The following PIEZO2 variants were observed in gnomAD, a reference collection of about 807,000 sequenced individuals.
PIEZO2 encodes piezo type mechanosensitive ion channel component 2.
In PIEZO2, 172 loss-of-function variants were observed where a neutral mutation model predicts 337.3. The ratio of observed to expected loss-of-function variants is 0.51; its 90% CI spans 0.45 to 0.58. The LOEUF (loss-of-function observed/expected upper bound fraction) is 0.58. Among genes scored for constraint, PIEZO2 ranks in the 20% least tolerant of loss-of-function variants. The pLI is 0.00. For missense variants in PIEZO2, 3,028 were observed against 3,391.3 expected (o/e 0.89, Z 2.66); for synonymous variants, 1,251 against 1,228.5 (o/e 1.02, Z -0.38).
At chr18:10,822,170 C>T (rs2040539362) in intron 7 of PIEZO2, among the ~76,000 whole-genome samples, 1 of 152,204 alleles carries the variant, frequency 6.6e-6, no homozygotes, top group East Asian at 1.9e-4. Flanking sequence ...TCAACGTCTG[C>T]ATTTAACTTG....
rs2035821624 is a variant in PIEZO2 at position 11,009,441 on chromosome 18, T to C, written c.161-29781A>G. Among the ~76,000 whole-genome samples, 1 of 152,190 alleles carries C rather than the reference T, an allele frequency of 6.6e-6. No homozygotes were observed. The highest frequency in any genetic ancestry group is 6.5e-5 in the Admixed American group (1 of 15,280). ...AGTGAGCCAGGGCTGAGAACCACTG[T>C]GCTGGAGATTCAGCTGAAGGGAGGT... On this transcript the variant is annotated intron_variant, in intron 2 of 55. Coordinates refer to ENST00000674853, the MANE Select transcript of PIEZO2 (RefSeq NM_001378183.1). This position sits in a 1 kb window ranked among gnomAD's most constrained non-coding sequence, Gnocchi z 4.6.
At chr18:10,935,954 G>A (rs1043310694) in intron 3 of PIEZO2, among the ~76,000 whole-genome samples, 2 of 152,220 alleles carry the variant, frequency 1.3e-5, no homozygotes, top group African/African-American at 4.8e-5. Context: ...AGATGTGATA[G>A]TGGGCCATAA....
chr18:10,979,493 G>T lies in PIEZO2; in HGVS notation c.286+42C>A. On this transcript the variant is annotated intron_variant, in intron 3 of 55. Coordinates refer to ENST00000674853, the MANE Select transcript of PIEZO2 (RefSeq NM_001378183.1). The surrounding 1 kb of genome is among the most constrained non-coding windows in gnomAD (Gnocchi z 4.0). The stretch of plus-strand genomic sequence containing the variant: ...AGCTTTATTATGCACGTATATAAAA[G>T]AAATAAAAGAAAACAATAAAAGAAA... 7.0e-7 allele frequency: 1 copy of T among 1,423,774 alleles called. No homozygotes were observed. Among genetic ancestry groups the T allele is most frequent in the Non-Finnish European group, 9.3e-7 (1 of 1,080,228 alleles). The allele number at this position is 1,423,774 out of a possible 1,614,324, so 88.2% of individuals were successfully genotyped here.
intron 18 of PIEZO2, among the ~76,000 whole-genome samples, chr18:10,778,435 C>T: frequency 6.6e-6 from 1 of 151,744 alleles, no homozygotes; most frequent in Non-Finnish European, 1.5e-5. Flanking sequence ...CAGGTTCACG[C>T]CATTCTCCTC....
At chr18:10,683,934 C>A (rs928925908) in intron 49 of PIEZO2, among the ~76,000 whole-genome samples, 1 of 152,098 alleles carries the variant, frequency 6.6e-6, no homozygotes, top group Admixed American at 6.5e-5. Context: ...TTCTGCTCAG[C>A]CCTCACACTG....
chr18:10,704,983 G>A (rs888731959), intron 41 of PIEZO2, among the ~76,000 whole-genome samples: 5 of 152,288 alleles, frequency 3.3e-5, no homozygotes, highest in Admixed American at 6.5e-5. Context: ...GAGCCACTGC[G>A]CCCGGCCATG....
rs1278591086 is a variant in PIEZO2, at chr18:10,694,027, G to A, written c.7190+2047C>T. On this transcript the variant is annotated intron_variant, in intron 47 of 55. Coordinates refer to ENST00000674853, the MANE Select transcript of PIEZO2 (RefSeq NM_001378183.1). ...TATATTTAATCTCCCAATATATGGTGTGGAATGGAGAACTGGGTTATTGTG... is the reference window on the plus strand; with the variant it reads ...TATATTTAATCTCCCAATATATGGTATGGAATGGAGAACTGGGTTATTGTG... 3.9e-5 allele frequency among the ~76,000 whole-genome samples: 6 copies of A among 152,250 alleles called. No homozygotes were observed. The East Asian group carries it at 7.7e-4, about 20-fold the overall frequency.
In PIEZO2 at chr18:10,819,780, G is replaced by T. The variant is rs1002424780; in HGVS notation, c.918-12506C>A. ...ATCTCATTTCAAGAGCTTGTAATTT[G>T]TAGAGCTAAGCTTCTACCTGAAATC... On this transcript the variant is annotated intron_variant, in intron 7 of 55. Transcript: ENST00000674853. This position sits in a 1 kb window ranked among gnomAD's most constrained non-coding sequence, Gnocchi z 4.3. 2.6e-5 allele frequency among the ~76,000 whole-genome samples: 4 copies of T among 152,164 alleles called. No individual in the cohort carries two copies. Among genetic ancestry groups the T allele is most frequent in the African/African-American group, 9.7e-5 (4 of 41,446 alleles).
rs1025310776 is a variant in PIEZO2 at position 10,871,275 on chromosome 18, G to A, written c.470C>T (p.Pro157Leu). The A allele has an allele frequency of 2.2e-5, 34 of 1,536,688 alleles. No homozygotes were observed. The highest frequency in any genetic ancestry group is 7.9e-5 in the Admixed American group (4 of 50,898). ...TACCAATTCTTCATTTTCAAACTCC[G>A]GGTTACTCTGTGCTGCTTCGTCTGT... ...PVTDEAAQSN[P>L]EFENEELAEG... Residue 157 changes from proline (P) to leucine (L), a missense_variant, in exon 5 of 56, where the codon CCG (proline) becomes CTG (leucine). By Grantham distance (98) the Pro-to-Leu change is moderately conservative. This residue lies in a region of PIEZO2 where 542 missense variants were observed against 605.6 expected (regional missense o/e 0.89). Coordinates refer to ENST00000674853, the MANE Select transcript of PIEZO2 (RefSeq NM_001378183.1).
In PIEZO2 at chr18:11,096,166, C is replaced by T. The variant is rs955808128; in HGVS notation, c.65-29944G>A. On this transcript the variant is annotated intron_variant, in intron 1 of 55. Coordinates refer to ENST00000674853, the MANE Select transcript of PIEZO2 (RefSeq NM_001378183.1). This position sits in a 1 kb window ranked among gnomAD's most constrained non-coding sequence, Gnocchi z 4.6. ...CTGTTGCCCAAGGTGGCTGAGACAC[C>T]GCCAGCCTGGCTGTGGGGTGTGGCC... 3.3e-5 allele frequency among the ~76,000 whole-genome samples: 5 copies of T among 152,182 alleles called. No homozygotes were observed. The highest frequency in any genetic ancestry group is 9.7e-5 in the African/African-American group (4 of 41,444).
chr18:10,882,490 T>C (rs1170253555), intron 4 of PIEZO2, among the ~76,000 whole-genome samples: 1 of 152,234 alleles, frequency 6.6e-6, no homozygotes, highest in Non-Finnish European at 1.5e-5. Flanking sequence ...AAATCTAATA[T>C]ATTAACTTCG....
intron 2 of PIEZO2, among the ~76,000 whole-genome samples, chr18:11,040,700 G>A (rs546008996): frequency 5.3e-5 from 8 of 152,078 alleles, no homozygotes; most frequent in Middle Eastern, 3.4e-3. Flanking sequence ...TTTGGTCCTC[G>A]TCCCCATAAT....
Position 10,888,942 on chromosome 18 carries a change from A to G in PIEZO2, c.330-17527T>C, listed in dbSNP as rs1038253141. ...TTTCAGAAACCTAGCATGCTGCTAC[A>G]GCCAACAGTTCAAGGGGTCATTTCA... On this transcript the variant is annotated intron_variant, in intron 4 of 55. Transcript: ENST00000674853. The surrounding 1 kb of genome is among the most constrained non-coding windows in gnomAD (Gnocchi z 4.1). 6.6e-6 allele frequency among the ~76,000 whole-genome samples: 1 copy of G among 152,110 alleles called. No homozygotes were observed. Among genetic ancestry groups the G allele is most frequent in the East Asian group, 1.9e-4 (1 of 5,180 alleles).
intron 49 of PIEZO2, among the ~76,000 whole-genome samples, chr18:10,684,877 T>G (rs1205582977): frequency 6.6e-6 from 1 of 152,074 alleles, no homozygotes; most frequent in Non-Finnish European, 1.5e-5. Flanking sequence ...TGTCTTGCTC[T>G]GCTGCCCTGA....
chr18:11,091,752 AT>A (rs2039099262), intron 1 of PIEZO2, among the ~76,000 whole-genome samples: 1 of 152,102 alleles, frequency 6.6e-6, no homozygotes, highest in African/African-American at 2.4e-5. Flanking sequence ...TGTTGTTTTT[AT>A]TGGAAATATG....
chr18:10,954,400 AT>A lies in PIEZO2; in HGVS notation c.286+25134del, dbSNP rs1406720689. On this transcript the variant is annotated intron_variant, in intron 3 of 55. Coordinates refer to ENST00000674853, the MANE Select transcript of PIEZO2 (RefSeq NM_001378183.1). This position sits in a 1 kb window ranked among gnomAD's most constrained non-coding sequence, Gnocchi z 4.2. ...ATTGTTTTTAGATTTATATCAAAGTATTTTTTGTATTATTGTACATAACATT... is the reference window on the plus strand; with the variant it reads ...ATTGTTTTTAGATTTATATCAAAGTATTTTTGTATTATTGTACATAACATT... Among the ~76,000 whole-genome samples the A allele has an allele frequency of 2.6e-5, 4 of 152,324 alleles. No individual in the cohort carries two copies. The East Asian group carries it at 7.7e-4, about 29-fold the overall frequency.
chr18:11,076,359 A>G (rs1452675711), intron 1 of PIEZO2, among the ~76,000 whole-genome samples: 2 of 152,212 alleles, frequency 1.3e-5, no homozygotes, highest in Non-Finnish European at 2.9e-5. Context: ...GATTATAAGG[A>G]CTTGTATTAG....
Position 10,850,462 on chromosome 18 carries a change from C to T in PIEZO2, c.917+4891G>A, listed in dbSNP as rs116236360. On this transcript the variant is annotated intron_variant, in intron 7 of 55. Transcript: ENST00000674853. The surrounding 1 kb of genome is among the most constrained non-coding windows in gnomAD (Gnocchi z 4.5). ...CCCTGCAAAGGCTCTTTCACAGCTGCGAGAATGTGGGGTTGCAACTTGCTC... is the reference window on the plus strand; with the variant it reads ...CCCTGCAAAGGCTCTTTCACAGCTGTGAGAATGTGGGGTTGCAACTTGCTC... 0.012 allele frequency among the ~76,000 whole-genome samples: 1,902 copies of T among 152,248 alleles called. 37 individuals carry two copies. The highest frequency in any genetic ancestry group is 0.039 in the African/African-American group (1,621 of 41,530).
chr18:10,743,829 T>C (rs1448610217), intron 31 of PIEZO2, among the ~76,000 whole-genome samples: 1 of 152,006 alleles, frequency 6.6e-6, no homozygotes. Flanking sequence ...AACAGAAAAC[T>C]CAAATTTAGA....
Sources: allele counts gnomAD v4.1 joint callset (sites outside exome capture counted in the v4.1 genomes callset), GRCh38; gene constraint gnomAD v4.1.1; regional missense constraint gnomAD v4.1.1; non-coding constraint Gnocchi (gnomAD v3.1); transcripts MANE v1.5; gene names NCBI Gene and HGNC (gene_info 2026-07-23, HGNC 2026-07-21).